KAZN: variants seen among roughly 807,000 people sequenced by gnomAD.
KAZN encodes kazrin, periplakin interacting protein, also known as kazrin.
Under a neutral mutation model 87.4 loss-of-function variants are expected in KAZN, and 40 were observed. The ratio of observed to expected loss-of-function variants is 0.46; its 90% CI spans 0.36 to 0.60. KAZN has a LOEUF of 0.60. KAZN is among the 20% of genes least tolerant of loss of function. KAZN has a pLI of 0.00. For synonymous variants in KAZN, 466 were observed against 458.3 expected, an observed-to-expected ratio of 1.02 and a Z score of -0.22; for missense variants, 898 against 1,073.9, an observed-to-expected ratio of 0.84 and a Z score of 2.29.
intron 1 of KAZN, among the ~76,000 whole-genome samples, chr1:14,809,241 G>A (rs1193332229): frequency 6.6e-6 from 1 of 152,242 alleles, no homozygotes; most frequent in Non-Finnish European, 1.5e-5. Flanking sequence ...CCAAGTGGGT[G>A]TTGGGCCGGG....
At chr1:15,100,056 TGA>T (rs1414075507) in intron 10 of KAZN, among the ~76,000 whole-genome samples, 1 of 151,874 alleles carries the variant, frequency 6.6e-6, no homozygotes, top group Non-Finnish European at 1.5e-5. Context: ...AGCTAGAGGC[TGA>T]GAGAGGAAAG....
rs141388401 is a variant in KAZN, at chr1:14,701,711, T to G, written c.226+102488T>G. ...ACTTGGGAGGCTGAGGTGGGAGGAT[T>G]GCTTGAGCCCAGGAGGTCGAGGCTG... is the stretch of plus-strand genomic sequence containing the variant. On this transcript the variant is annotated intron_variant, in intron 1 of 14. Transcript: ENST00000376030. Among the ~76,000 whole-genome samples, 37 of 152,226 alleles carry G rather than the reference T, an allele frequency of 2.4e-4. No homozygotes were observed. In the East Asian group the frequency reaches 6.8e-3, roughly 28 times the overall value.
In KAZN at chr1:14,411,589, C is replaced by T. The variant is rs188121498; in HGVS notation, c.250-187394C>T. On this transcript the variant is annotated intron_variant, in intron 2 of 16. Transcript: ENST00000636203. Reference sequence around the variant, plus strand: ...TGCTGGGATTACAGGCGTGAGCCACCGCGCTCCCCTGGCAAGACTAAATTT... The same window carrying T: ...TGCTGGGATTACAGGCGTGAGCCACTGCGCTCCCCTGGCAAGACTAAATTT... Among the ~76,000 whole-genome samples, 283 of 152,294 alleles carry T rather than the reference C, an allele frequency of 1.9e-3. 2 individuals carry two copies. Among genetic ancestry groups the T allele is most frequent in the Admixed American group, 0.016 (252 of 15,304 alleles).
At chr1:14,228,348 G>A (rs1361652875) in intron 2 of KAZN, among the ~76,000 whole-genome samples, 1 of 152,182 alleles carries the variant, frequency 6.6e-6, no homozygotes, top group Non-Finnish European at 1.5e-5. Flanking sequence ...GGCTTAGAAA[G>A]CTTAAATAAT....
In KAZN at chr1:14,956,606, C is replaced by CA. The variant is rs35132323; in HGVS notation, c.227-4063dup. Among the ~76,000 whole-genome samples the CA allele has an allele frequency of 8.6e-3, 1,190 of 138,268 alleles. 13 individuals are homozygous for CA. Among genetic ancestry groups the CA allele is most frequent in the African/African-American group, 0.025 (934 of 37,304 alleles). 90.7% of individuals were successfully genotyped at this position (138,268 alleles called of 152,430 possible). ...GGGCAACAGGAGTGAAACTCTATCT[C>CA]AAAAAAAAAAAAAAATTAAACAAAA... On this transcript the variant is annotated intron_variant, in intron 1 of 14. Coordinates refer to ENST00000376030, the MANE Select transcript of KAZN (RefSeq NM_201628.3).
At chr1:14,611,451 C>T (rs998923910) in intron 1 of KAZN, among the ~76,000 whole-genome samples, 3 of 152,008 alleles carry the variant, frequency 2.0e-5, no homozygotes, top group Non-Finnish European at 1.5e-5. Flanking sequence ...ATGCACCCTC[C>T]CGAGGTGGGA....
intron 2 of KAZN, among the ~76,000 whole-genome samples, chr1:14,453,214 C>T (rs1026838703): frequency 3.9e-5 from 6 of 152,096 alleles, no homozygotes; most frequent in Non-Finnish European, 8.8e-5. Flanking sequence ...CTCGGCCTCC[C>T]AAAGTGCTGG....
chr1:14,810,507 C>T (rs1228502535), intron 1 of KAZN, among the ~76,000 whole-genome samples: 1 of 152,088 alleles, frequency 6.6e-6, no homozygotes, highest in African/African-American at 2.4e-5. Flanking sequence ...AAAGTTCCAC[C>T]AGAGATTCCC....
intron 2 of KAZN, among the ~76,000 whole-genome samples, chr1:14,527,260 T>C (rs746937559): frequency 1.3e-4 from 20 of 152,074 alleles, no homozygotes; most frequent in Non-Finnish European, 7.4e-5. Flanking sequence ...TTGTAAAGAA[T>C]AGAGGTTTAG....
rs868693161 is a variant in KAZN, at chr1:14,599,763, T to C, written c.226+540T>C. Among the ~76,000 whole-genome samples the C allele has an allele frequency of 6.6e-6, 1 of 152,118 alleles. No individual in the cohort carries two copies. Among genetic ancestry groups the C allele is most frequent in the South Asian group, 2.1e-4 (1 of 4,820 alleles). ...CTTCTCATTTGAGGTCTCTCAGGCA[T>C]TGGAATCTATAGATGCAACAGTAGA... is the stretch of plus-strand genomic sequence containing the variant. On this transcript the variant is annotated intron_variant, in intron 1 of 14. Coordinates refer to ENST00000376030, the MANE Select transcript of KAZN (RefSeq NM_201628.3). This position sits in a 1 kb window ranked among gnomAD's most constrained non-coding sequence, Gnocchi z 4.4.
chr1:14,992,690 C>T (rs1410946060), intron 2 of KAZN, among the ~76,000 whole-genome samples: 1 of 152,178 alleles, frequency 6.6e-6, no homozygotes, highest in Non-Finnish European at 1.5e-5. Flanking sequence ...ATCGCCCAGG[C>T]TGGAGTGCAG....
intron 2 of KAZN, among the ~76,000 whole-genome samples, chr1:14,565,729 TC>T (rs1674512455): frequency 1.3e-5 from 2 of 152,232 alleles, no homozygotes; most frequent in Non-Finnish European, 2.9e-5. Context: ...GTTCACAGCA[TC>T]TTCACTAGGA....
intron 1 of KAZN, among the ~76,000 whole-genome samples, chr1:13,963,518 CA>C (rs1570400916): frequency 2.0e-5 from 3 of 152,112 alleles, no homozygotes; most frequent in East Asian, 3.9e-4. Flanking sequence ...ATACACTGGG[CA>C]TTTTGTGTTA....
In KAZN at chr1:15,096,331, A is replaced by T. The variant is rs1051514045; in HGVS notation, c.1547+1398A>T. Among the ~76,000 whole-genome samples, 2 of 152,304 alleles carry T rather than the reference A, an allele frequency of 1.3e-5. No individual in the cohort carries two copies. The highest frequency in any genetic ancestry group is 4.1e-4 in the South Asian group (2 of 4,832). On this transcript the variant is annotated intron_variant, in intron 10 of 14. Coordinates refer to ENST00000376030, the MANE Select transcript of KAZN (RefSeq NM_201628.3). The surrounding 1 kb of genome is among the most constrained non-coding windows in gnomAD (Gnocchi z 4.5). ...AGCTTTTCTTCTTTTCTTTTCATAG[A>T]TTACTTTTGTAGTGGGGGCAAGGGC...
At chr1:14,038,833 A>T (rs6693685) in intron 1 of KAZN, among the ~76,000 whole-genome samples, 9,468 of 152,222 alleles carry the variant, frequency 0.062, 980 homozygotes, top group African/African-American at 0.22. Context: ...CCCTTTACAA[A>T]TAACTCACTC....
chr1:14,798,878 A>G (rs933210522), intron 1 of KAZN, among the ~76,000 whole-genome samples: 2 of 152,012 alleles, frequency 1.3e-5, no homozygotes, highest in African/African-American at 4.8e-5. Flanking sequence ...CTCCCACCTC[A>G]GCCTCCCAAG....
intron 1 of KAZN, among the ~76,000 whole-genome samples, chr1:13,959,031 T>C (rs1217401099): frequency 6.6e-6 from 1 of 152,184 alleles, no homozygotes; most frequent in African/African-American, 2.4e-5. Context: ...ACAGTCTTGC[T>C]TTCCATTTTC....
At chr1:14,932,715 C>T (rs1449633442) in intron 1 of KAZN, among the ~76,000 whole-genome samples, 1 of 151,732 alleles carries the variant, frequency 6.6e-6, no homozygotes, top group Non-Finnish European at 1.5e-5. Context: ...GCCCTGACAT[C>T]GGTGGGCTCA....
chr1:14,545,178 G>T (rs79397325), intron 2 of KAZN, among the ~76,000 whole-genome samples: 2,873 of 152,294 alleles, frequency 0.019, 36 homozygotes, highest in Non-Finnish European at 0.029. Context: ...TCCTCCTGGG[G>T]CAGAGCAGCT....
Sources: allele counts gnomAD v4.1 joint callset (sites outside exome capture counted in the v4.1 genomes callset), GRCh38; gene constraint gnomAD v4.1.1; non-coding constraint Gnocchi (gnomAD v3.1); transcripts MANE v1.5; gene names NCBI Gene and HGNC (gene_info 2026-07-23, HGNC 2026-07-21).